The following SLC12A7 variants were observed in gnomAD, a reference collection of about 807,000 sequenced individuals.
SLC12A7 encodes K-Cl cotransporter 4.
In SLC12A7, 100 loss-of-function variants were observed where a neutral mutation model predicts 120.6. That is an observed-to-expected ratio of 0.83 (90% CI 0.71 to 0.98). The LOEUF (loss-of-function observed/expected upper bound fraction) is 0.98, where lower values mean the gene tolerates loss of function less well. Among genes scored for constraint, SLC12A7 ranks in the 50% least tolerant of loss-of-function variants. SLC12A7 has a pLI of 0.00. For synonymous variants in SLC12A7, 760 were observed against 678.0 expected, an observed-to-expected ratio of 1.12 and a Z score of -1.88; for missense variants, 1,373 against 1,548.1, an observed-to-expected ratio of 0.89 and a Z score of 1.90.
In SLC12A7 at chr5:1,052,386, G is replaced by A. The variant is rs145103734; in HGVS notation, c.3226C>T (p.Arg1076Trp). Reference sequence around the variant, plus strand: ...TAGGAGTAGATGGTGATCACCTCCCGGCCGCCACCCCTGACCAGGAGGACT... The same window carrying A: ...TAGGAGTAGATGGTGATCACCTCCCAGCCGCCACCCCTGACCAGGAGGACT... ...NRVLLVRGGG[R>W]EVITIYS Residue 1076 changes from arginine (R) to tryptophan (W), a missense_variant, in exon 24 of 24, where the codon CGG becomes TGG. Arg to Trp is a moderately radical substitution (Grantham distance 101). Coordinates refer to ENST00000264930, the MANE Select transcript of SLC12A7 (RefSeq NM_006598.3). The A allele has an allele frequency of 3.1e-5, 50 of 1,612,738 alleles. No individual in the cohort carries two copies. The highest frequency in any genetic ancestry group is 2.7e-4 in the African/African-American group (20 of 74,926).
rs1739030393 is a variant in SLC12A7 at position 1,081,063 on chromosome 5, G to C, written c.1297+514C>G. ...AGGGAGGGAAGAAGAGGGAGACAGA[G>C]AGAGAGAGAGAGACAGACAGAGAGA... On this transcript the variant is annotated intron_variant, in intron 9 of 23. Coordinates refer to ENST00000264930, the MANE Select transcript of SLC12A7 (RefSeq NM_006598.3). Among the ~76,000 whole-genome samples the C allele has an allele frequency of 1.0e-4, 3 of 28,634 alleles. No homozygotes were observed. The South Asian group carries it at 8.2e-3, about 79-fold the overall frequency. 18.8% of individuals were successfully genotyped at this position (28,634 alleles called of 152,430 possible).
At chr5:1,119,091 C>T in the SLC12A7 span, among the ~76,000 whole-genome samples, 838 of 152,330 alleles carry the variant, frequency 5.5e-3, 6 homozygotes, top group Non-Finnish European at 8.7e-3. Flanking sequence ...TGCAGCAGCT[C>T]GAAGCCCTCC....
At chr5:1,148,484 C>G in the SLC12A7 span, among the ~76,000 whole-genome samples, 1 of 152,180 alleles carries the variant, frequency 6.6e-6, no homozygotes, top group Non-Finnish European at 1.5e-5. Context: ...GTATTACAGG[C>G]GTGAGCCACC....
intron 13 of SLC12A7, 79 bp from the exon 14 acceptor site, chr5:1,076,315 C>T: frequency 8.7e-7 from 1 of 1,147,838 alleles, no homozygotes; most frequent in Non-Finnish European, 1.2e-6. Flanking sequence ...GGAGACCACC[C>T]TTGTCACTGT....
At chr5:1,124,466 T>C in the SLC12A7 span, among the ~76,000 whole-genome samples, 1 of 152,314 alleles carries the variant, frequency 6.6e-6, no homozygotes, top group Non-Finnish European at 1.5e-5. Context: ...CAGCAAACAC[T>C]GTCTTCAAAA....
intron 1 of SLC12A7, among the ~76,000 whole-genome samples, chr5:1,097,504 A>G (rs2150890110): frequency 6.6e-6 from 1 of 152,308 alleles, no homozygotes; most frequent in Admixed American, 6.5e-5. Flanking sequence ...TTAAACTTAG[A>G]AAACATAACG....
intron 9 of SLC12A7, among the ~76,000 whole-genome samples, chr5:1,080,713 C>T (rs1738962368): frequency 6.6e-6 from 1 of 152,210 alleles, no homozygotes; most frequent in African/African-American, 2.4e-5. Flanking sequence ...CCAAGGGCCC[C>T]ACCCACCGCC....
chr5:1,103,251 C>T (rs1011969148), intron 1 of SLC12A7, among the ~76,000 whole-genome samples: 1 of 152,136 alleles, frequency 6.6e-6, no homozygotes, highest in East Asian at 1.9e-4. Flanking sequence ...ATCACCCATT[C>T]CCGAAGTGAC....
chr5:1,057,075 A>C, intron 22 of SLC12A7: 1 of 173,346 alleles, frequency 5.8e-6, no homozygotes, highest in Non-Finnish European at 1.2e-5. Flanking sequence ...TGGCCCAGGT[A>C]CCAGGAGGAC....
chr5:1,146,861 C>G, the SLC12A7 span, among the ~76,000 whole-genome samples: 1 of 152,174 alleles, frequency 6.6e-6, no homozygotes. This position sits in a 1 kb window ranked among gnomAD's most constrained non-coding sequence, Gnocchi z 6.5. Context: ...TTGGAGCTGT[C>G]CCGCCTTTCT....
the SLC12A7 span, among the ~76,000 whole-genome samples, chr5:1,141,424 G>T: frequency 6.6e-6 from 1 of 151,866 alleles, no homozygotes; most frequent in South Asian, 2.1e-4. Flanking sequence ...TGTCCCAGCC[G>T]TCCCTGCTGC....
intron 15 of SLC12A7, among the ~76,000 whole-genome samples, chr5:1,075,100 G>A (rs1472409967): frequency 2.6e-5 from 4 of 152,226 alleles, no homozygotes; most frequent in Admixed American, 6.5e-5. Flanking sequence ...ATAGTCAGCC[G>A]TGGGCTCACC....
Position 1,053,437 on chromosome 5 carries a change from A to G in SLC12A7, c.3072T>C (p.Asn1024=). The change falls in exon 23 of 24, where the codon AAT becomes AAC. Residue 1024 remains asparagine (N), a synonymous_variant. Transcript: ENST00000264930. ...VRRMHTAVKL[N]GVVLNKSQDA... is the part of the protein sequence containing the mutation. ...CCTGGGACTTGTTGAGGACGACGCC[A>G]TTGAGCTTCACAGCCGTGTGCATCC... is the stretch of plus-strand genomic sequence containing the variant. 6.2e-7 allele frequency: 1 copy of G among 1,613,874 alleles called. No individual in the cohort carries two copies. Among genetic ancestry groups the G allele is most frequent in the Non-Finnish European group, 8.5e-7 (1 of 1,180,004 alleles).
intron 17 of SLC12A7, among the ~76,000 whole-genome samples, chr5:1,066,624 G>A (rs4975695): frequency 0.4 from 60,709 of 152,098 alleles, 13,223 homozygotes; most frequent in Non-Finnish European, 0.5. Flanking sequence ...GAAGAACCCT[G>A]TAATTAGGTT....
intron 1 of SLC12A7, among the ~76,000 whole-genome samples, chr5:1,102,359 C>T (rs1742103051): frequency 6.6e-6 from 1 of 152,204 alleles, no homozygotes; most frequent in African/African-American, 2.4e-5. Context: ...GATCACAATG[C>T]CTCCATCAGC....
chr5:1,079,441 G>T lies in SLC12A7; in HGVS notation c.1353C>A (p.Ile451=). The part of the protein sequence containing the change: ...SGDLKDAQKS[I]PTGTILAIVT... ...CTATGGCCAGGATGGTCCCCGTGGGGATGGACTTCTGTGCATCCTTGAGGT... is the reference window on the plus strand; with the variant it reads ...CTATGGCCAGGATGGTCCCCGTGGGTATGGACTTCTGTGCATCCTTGAGGT... Residue 451 remains isoleucine (I), a synonymous_variant, in exon 10 of 24, where the codon ATC becomes ATA. Coordinates refer to ENST00000264930, the MANE Select transcript of SLC12A7 (RefSeq NM_006598.3). 1 of 1,612,824 alleles carries T rather than the reference G, an allele frequency of 6.2e-7. No individual in the cohort carries two copies. Among genetic ancestry groups the T allele is most frequent in the Admixed American group, 1.7e-5 (1 of 60,018 alleles).
chr5:1,133,203 A>T, the SLC12A7 span, among the ~76,000 whole-genome samples: 1 of 152,206 alleles, frequency 6.6e-6, no homozygotes, highest in Non-Finnish European at 1.5e-5. Flanking sequence ...GACATGAGCC[A>T]CCGCACCCAG....
chr5:1,078,054 T>C, intron 11 of SLC12A7, 47 bp from the exon 12 acceptor site: 1 of 1,516,978 alleles, frequency 6.6e-7, no homozygotes, highest in Non-Finnish European at 8.8e-7. Flanking sequence ...GAAGTGAGCC[T>C]GAGTCAGACA....
intron 1 of SLC12A7, among the ~76,000 whole-genome samples, chr5:1,100,417 G>T (rs998730739): frequency 6.6e-6 from 1 of 152,220 alleles, no homozygotes; most frequent in Non-Finnish European, 1.5e-5. Context: ...CCTTTCAAAG[G>T]CTCGATGGTC....
Sources: allele counts gnomAD v4.1 joint callset (sites outside exome capture counted in the v4.1 genomes callset), GRCh38; gene constraint gnomAD v4.1.1; non-coding constraint Gnocchi (gnomAD v3.1); transcripts MANE v1.5; gene names NCBI Gene and HGNC (gene_info 2026-07-23, HGNC 2026-07-21).